Variants in LRRC4C observed in about 807,000 individuals in gnomAD.
LRRC4C encodes the protein leucine-rich repeat-containing protein 4C.
LRRC4C carries 5 observed loss-of-function variants against 33.6 expected under a neutral mutation model. The ratio of observed to expected loss-of-function variants is 0.15; its 90% CI spans 0.08 to 0.31. The LOEUF is 0.31. Ranked by LOEUF, LRRC4C falls within the 10% of genes least tolerant of loss-of-function variation. The pLI, the probability that LRRC4C is intolerant of heterozygous loss-of-function variation, is 1.00. For missense variants in LRRC4C, 560 were observed against 796.7 expected (o/e 0.70, Z 3.58); for synonymous variants, 329 against 302.0 (o/e 1.09, Z -0.93).
chr11:40,128,607 A>C (rs948263192), intron 6 of LRRC4C, among the ~76,000 whole-genome samples: 2 of 152,148 alleles, frequency 1.3e-5, no homozygotes, highest in Non-Finnish European at 2.9e-5. Context: ...AACAAAATGC[A>C]AACTGCTTTG....
rs1370672714 is a variant in LRRC4C at position 41,235,237 on chromosome 11, T to C, written c.-496+224194A>G. Among the ~76,000 whole-genome samples the C allele has an allele frequency of 2.0e-5, 3 of 151,980 alleles. No individual in the cohort carries two copies. The East Asian group carries it at 5.8e-4, about 29-fold the overall frequency. Reference sequence around the variant, plus strand: ...TAAAAAGTGACAAAAGAGAAATACATTGGCAATGGGGATAACGCAGAAGAC... The same window carrying C: ...TAAAAAGTGACAAAAGAGAAATACACTGGCAATGGGGATAACGCAGAAGAC... On this transcript the variant is annotated intron_variant, in intron 1 of 6. Transcript: ENST00000528697.
intron 1 of LRRC4C, among the ~76,000 whole-genome samples, chr11:41,208,467 G>C (rs1041991352): frequency 6.6e-6 from 1 of 152,176 alleles, no homozygotes. Flanking sequence ...CATAGGATGA[G>C]GCTGGACAAT....
chr11:40,642,680 TG>T (rs1241414485), intron 3 of LRRC4C, among the ~76,000 whole-genome samples: 1 of 152,232 alleles, frequency 6.6e-6, no homozygotes, highest in Non-Finnish European at 1.5e-5. Flanking sequence ...CAGATCAATT[TG>T]TTAAATGAAT....
chr11:40,576,463 T>C (rs149626425), intron 3 of LRRC4C, among the ~76,000 whole-genome samples: 15 of 152,318 alleles, frequency 9.8e-5, no homozygotes, highest in African/African-American at 3.6e-4. Flanking sequence ...TCCTTAATGA[T>C]AGACAAATCT....
chr11:40,578,169 T>TTTTTTTTTTTTA, intron 3 of LRRC4C, among the ~76,000 whole-genome samples: 3 of 131,830 alleles, frequency 2.3e-5, no homozygotes, highest in Non-Finnish European at 3.2e-5. Context: ...TTTTTTTTTT[T>TTTTTTTTTTTTA]TGCCTCTTAA....
chr11:40,276,797 T>C (rs16934671), intron 4 of LRRC4C, among the ~76,000 whole-genome samples: 8,540 of 151,722 alleles, frequency 0.056, 789 homozygotes, highest in African/African-American at 0.19. Context: ...TCTTCCCTGC[T>C]GCTGCAGTGT....
chr11:40,698,088 T>G (rs1357834030), intron 2 of LRRC4C, among the ~76,000 whole-genome samples: 2 of 147,356 alleles, frequency 1.4e-5, no homozygotes, highest in Non-Finnish European at 3.0e-5. Flanking sequence ...AAAAAAAAAT[T>G]ACATTTAATA....
intron 3 of LRRC4C, among the ~76,000 whole-genome samples, chr11:40,582,513 GTTTTTTT>G (rs35497785): frequency 2.6e-5 from 3 of 115,608 alleles, no homozygotes; most frequent in African/African-American, 6.5e-5. Flanking sequence ...CCCTTGTTCA[GTTTTTTT>G]TTTTTTTTTT....
chr11:40,431,854 C>T (rs909191939), intron 3 of LRRC4C, among the ~76,000 whole-genome samples: 5 of 152,140 alleles, frequency 3.3e-5, no homozygotes, highest in African/African-American at 1.2e-4. Context: ...CTTTCCTATT[C>T]CAGGGACTGA....
chr11:40,932,769 C>G (rs1350738119), intron 2 of LRRC4C, among the ~76,000 whole-genome samples: 1 of 152,018 alleles, frequency 6.6e-6, no homozygotes, highest in African/African-American at 2.4e-5. Context: ...GAAGTCAGGG[C>G]AAGGTTTGAG....
At chr11:40,273,335 G>A (rs1300854365) in intron 4 of LRRC4C, among the ~76,000 whole-genome samples, 1 of 152,082 alleles carries the variant, frequency 6.6e-6, no homozygotes, top group African/African-American at 2.4e-5. Flanking sequence ...TAGTAATGCT[G>A]CAGTGGGAAG....
intron 1 of LRRC4C, among the ~76,000 whole-genome samples, chr11:41,354,400 C>T (rs1952087013): frequency 6.6e-6 from 1 of 152,060 alleles, no homozygotes; most frequent in Admixed American, 6.6e-5. Context: ...AAAAACATTC[C>T]ATGCTCATGG....
In LRRC4C at chr11:41,286,365, A is replaced by G. The variant is rs74499010; in HGVS notation, c.-496+173066T>C. 6.0e-3 allele frequency among the ~76,000 whole-genome samples: 912 copies of G among 152,274 alleles called. 8 individuals carry two copies. Among genetic ancestry groups the G allele is most frequent in the African/African-American group, 0.021 (859 of 41,558 alleles). On this transcript the variant is annotated intron_variant, in intron 1 of 6. Coordinates refer to ENST00000528697, the MANE Select transcript of LRRC4C (RefSeq NM_001258419.2). ...TGAGTCAAATCTCCGGGACTCAACAAACGATACTTTCTAATGGACCCAGAA... is the reference window on the plus strand; with the variant it reads ...TGAGTCAAATCTCCGGGACTCAACAGACGATACTTTCTAATGGACCCAGAA...
At chr11:40,383,614 T>C (rs1948979622) in intron 3 of LRRC4C, among the ~76,000 whole-genome samples, 1 of 152,204 alleles carries the variant, frequency 6.6e-6, no homozygotes, top group Non-Finnish European at 1.5e-5. Context: ...ATTGGTGATG[T>C]TGAGCAACTC....
intron 2 of LRRC4C, among the ~76,000 whole-genome samples, chr11:40,765,972 A>G (rs1949430785): frequency 6.6e-6 from 1 of 151,954 alleles, no homozygotes; most frequent in African/African-American, 2.4e-5. Context: ...ATTCACATAC[A>G]AGAATATTAT....
At chr11:40,669,859 C>T (rs1299126492) in intron 2 of LRRC4C, among the ~76,000 whole-genome samples, 1 of 152,184 alleles carries the variant, frequency 6.6e-6, no homozygotes, top group African/African-American at 2.4e-5. Flanking sequence ...AACATCTCTC[C>T]TCATTATACT....
At chr11:40,315,219 G>T (rs990314930) in intron 4 of LRRC4C, among the ~76,000 whole-genome samples, 2 of 151,630 alleles carry the variant, frequency 1.3e-5, no homozygotes, top group Non-Finnish European at 2.9e-5. Context: ...AGGAAAAAAT[G>T]AAAAAATTAA....
chr11:41,070,150 A>G (rs977415311), intron 1 of LRRC4C, among the ~76,000 whole-genome samples: 13 of 152,328 alleles, frequency 8.5e-5, no homozygotes, highest in Non-Finnish European at 1.9e-4. Context: ...CAAACCTGAC[A>G]AAAACAAACA....
intron 1 of LRRC4C, among the ~76,000 whole-genome samples, chr11:40,964,596 C>G (rs1412692289): frequency 6.9e-6 from 1 of 145,074 alleles, no homozygotes; most frequent in Non-Finnish European, 1.5e-5. Flanking sequence ...GTTCAATTCC[C>G]ACTTATGAGT....
Sources: allele counts gnomAD v4.1 joint callset (sites outside exome capture counted in the v4.1 genomes callset), GRCh38; gene constraint gnomAD v4.1.1; transcripts MANE v1.5; gene names NCBI Gene and HGNC (gene_info 2026-07-23, HGNC 2026-07-21).